ERBB4: variants seen among roughly 807,000 people sequenced by gnomAD.
The protein encoded by ERBB4 is erb-b2 receptor tyrosine kinase 4.
Under a neutral mutation model 158.0 loss-of-function variants are expected in ERBB4, and 42 were observed. The ratio of observed to expected loss-of-function variants is 0.27; its 90% confidence interval spans 0.21 to 0.34. The LOEUF (loss-of-function observed/expected upper bound fraction) is 0.34, where lower values mean the gene tolerates loss of function less well. Ranked by LOEUF, ERBB4 falls within the 10% of genes least tolerant of loss-of-function variation. The pLI is 1.00. For synonymous variants in ERBB4, 583 were observed against 558.7 expected (o/e 1.04, Z -0.61); for missense variants, 1,333 against 1,624.1 (o/e 0.82, Z 3.08).
Position 212,205,069 on chromosome 2 carries a change from C to T in ERBB4, c.83-80166G>A, listed in dbSNP as rs1297628498. On this transcript the variant is annotated intron_variant, in intron 1 of 27. Coordinates refer to ENST00000342788, the MANE Select transcript of ERBB4 (RefSeq NM_005235.3). Reference sequence around the variant, plus strand: ...TGGACCTCAGGTGATCAACCCGCCTCGGCCTCCCAAAGTGCTAGAATTACA... The same window carrying T: ...TGGACCTCAGGTGATCAACCCGCCTTGGCCTCCCAAAGTGCTAGAATTACA... Among the ~76,000 whole-genome samples the T allele has an allele frequency of 3.9e-5, 6 of 151,964 alleles. No individual in the cohort carries two copies. The East Asian group carries it at 5.8e-4, about 15-fold the overall frequency.
At chr2:211,488,122 G>C (rs1475250510) in intron 20 of ERBB4, among the ~76,000 whole-genome samples, 1 of 151,814 alleles carries the variant, frequency 6.6e-6, no homozygotes, top group Non-Finnish European at 1.5e-5. Context: ...ACTTCATGCA[G>C]TTCAAAGGAA....
intron 4 of ERBB4, among the ~76,000 whole-genome samples, chr2:211,785,143 C>T (rs963160243): frequency 3.3e-5 from 5 of 151,120 alleles, no homozygotes; most frequent in African/African-American, 9.7e-5. Flanking sequence ...CACTCTGTCC[C>T]CAGGCTGGAG....
chr2:211,434,736 T>C (rs1200840665), intron 20 of ERBB4, among the ~76,000 whole-genome samples: 3 of 152,136 alleles, frequency 2.0e-5, no homozygotes, highest in Non-Finnish European at 4.4e-5. Flanking sequence ...TAATGAGAAA[T>C]CAATTTTTAA....
intron 3 of ERBB4, among the ~76,000 whole-genome samples, chr2:211,867,024 CAAAAAAAAAAA>C (rs386392490): frequency 3.3e-5 from 2 of 60,632 alleles, no homozygotes; most frequent in South Asian, 8.2e-4. Flanking sequence ...TCCTTAAAAC[CAAAAAAAAAAA>C]AAAAAAAAAA....
At chr2:211,741,255 T>C (rs1434788422) in intron 5 of ERBB4, among the ~76,000 whole-genome samples, 3 of 152,152 alleles carry the variant, frequency 2.0e-5, no homozygotes, top group Admixed American at 2.0e-4. Flanking sequence ...ACTACCAAAA[T>C]AACAAAATTA....
At chr2:211,829,029 G>C (rs2077164102) in intron 3 of ERBB4, among the ~76,000 whole-genome samples, 2 of 151,996 alleles carry the variant, frequency 1.3e-5, no homozygotes, top group South Asian at 4.1e-4. Context: ...CTTAATCTTT[G>C]GTTCATGAAG....
intron 1 of ERBB4, among the ~76,000 whole-genome samples, chr2:212,287,005 C>G (rs557513139): frequency 9.2e-5 from 14 of 151,512 alleles, no homozygotes; most frequent in African/African-American, 2.7e-4. Flanking sequence ...TAGGAGAGAA[C>G]AATTGTTCTG....
intron 1 of ERBB4, among the ~76,000 whole-genome samples, chr2:212,148,525 G>A (rs1324989591): frequency 6.6e-6 from 1 of 152,148 alleles, no homozygotes; most frequent in Non-Finnish European, 1.5e-5. Flanking sequence ...AAGAGCTGAG[G>A]ATGAAAGAGA....
chr2:211,692,114 A>G (rs2072845413), intron 12 of ERBB4, among the ~76,000 whole-genome samples: 1 of 152,198 alleles, frequency 6.6e-6, no homozygotes, highest in African/African-American at 2.4e-5. Flanking sequence ...TGTACTGAAG[A>G]GGGAAGGTAG....
chr2:212,096,339 G>GA (rs1398233810), intron 2 of ERBB4, among the ~76,000 whole-genome samples: 4 of 151,656 alleles, frequency 2.6e-5, no homozygotes, highest in South Asian at 4.1e-4. Flanking sequence ...AAGTTAATTA[G>GA]AAAAAAAATA....
intron 25 of ERBB4, among the ~76,000 whole-genome samples, chr2:211,394,957 A>G (rs1432790963): frequency 6.6e-6 from 1 of 152,102 alleles, no homozygotes; most frequent in Admixed American, 6.5e-5. Context: ...TTTAATCCTA[A>G]AAAGAAGAAT....
chr2:211,548,801 C>G (rs1332371355), intron 20 of ERBB4, among the ~76,000 whole-genome samples: 2 of 152,102 alleles, frequency 1.3e-5, no homozygotes, highest in Admixed American at 6.6e-5. Flanking sequence ...TGTCTACACC[C>G]TTCTGCTGCT....
chr2:212,184,289 A>G (rs1480521652), intron 1 of ERBB4, among the ~76,000 whole-genome samples: 2 of 152,048 alleles, frequency 1.3e-5, no homozygotes, highest in Non-Finnish European at 2.9e-5. Flanking sequence ...ATCATGTTCT[A>G]AGACCCTGCC....
At chr2:211,657,335 C>T (rs1025454388) in intron 16 of ERBB4, among the ~76,000 whole-genome samples, 1 of 152,038 alleles carries the variant, frequency 6.6e-6, no homozygotes, top group East Asian at 1.9e-4. Context: ...ATGGTGAAAA[C>T]CCATCTCTAC....
chr2:211,711,580 C>T (rs1318820805), intron 9 of ERBB4, among the ~76,000 whole-genome samples: 1 of 152,132 alleles, frequency 6.6e-6, no homozygotes, highest in African/African-American at 2.4e-5. Flanking sequence ...ACGAAAATAA[C>T]ACATCAGGAC....
At chr2:211,858,400 C>G (rs1256969963) in intron 3 of ERBB4, among the ~76,000 whole-genome samples, 1 of 152,108 alleles carries the variant, frequency 6.6e-6, no homozygotes, top group African/African-American at 2.4e-5. Flanking sequence ...ATTAACTTCC[C>G]TAAATCTGAA....
At position 211,785,866 on chromosome 2, in the gene ERBB4, T is replaced by C. The variant is rs187899986; in HGVS notation, c.556+2159A>G. ...TTGTAATCCATTGTAATTCATTTTA[T>C]GTATTTATTGATTGCTATGCATTCA... On this transcript the variant is annotated intron_variant, in intron 4 of 27. Coordinates refer to ENST00000342788, the MANE Select transcript of ERBB4 (RefSeq NM_005235.3). 1.8e-3 allele frequency among the ~76,000 whole-genome samples: 271 copies of C among 152,322 alleles called. 1 individual carries two copies. Among genetic ancestry groups the C allele is most frequent in the Middle Eastern group, 6.8e-3 (2 of 294 alleles).
At chr2:211,702,722 C>G (rs955057220) in intron 11 of ERBB4, among the ~76,000 whole-genome samples, 1 of 151,994 alleles carries the variant, frequency 6.6e-6, no homozygotes, top group African/African-American at 2.4e-5. Context: ...TCAAACTAAA[C>G]TAAAATTAGA....
At chr2:211,464,904 T>C (rs1014338258) in intron 20 of ERBB4, among the ~76,000 whole-genome samples, 4 of 151,458 alleles carry the variant, frequency 2.6e-5, no homozygotes, top group East Asian at 1.9e-4. Flanking sequence ...ACAAGCACAA[T>C]ACAAGCAGAG....
Sources: allele counts gnomAD v4.1 joint callset (sites outside exome capture counted in the v4.1 genomes callset), GRCh38; gene constraint gnomAD v4.1.1; transcripts MANE v1.5; gene names NCBI Gene and HGNC (gene_info 2026-07-23, HGNC 2026-07-21).